PTPRD: variants seen among roughly 807,000 people sequenced by gnomAD.
PTPRD encodes receptor-type tyrosine-protein phosphatase delta.
Under a neutral mutation model 214.5 loss-of-function variants are expected in PTPRD, and 34 were observed. That is an observed-to-expected ratio of 0.16 (90% CI 0.12 to 0.21). The LOEUF is 0.21. Ranked by LOEUF, PTPRD falls within the 10% of genes least tolerant of loss-of-function variation. The pLI is 1.00. For missense variants in PTPRD, 2,545 were observed against 2,398.7 expected, an observed-to-expected ratio of 1.06 and a Z score of -1.27; for synonymous variants, 1,128 against 845.7, an observed-to-expected ratio of 1.33 and a Z score of -5.79.
Position 9,484,747 on chromosome 9 carries a change from A to G in PTPRD, c.-236-87265T>C, listed in dbSNP as rs563025171. ...CGAGGTCATATAGGTATTACATTGCAGAATGAAGATCAGAACTCAAAGTGT... is the reference window on the plus strand; with the variant it reads ...CGAGGTCATATAGGTATTACATTGCGGAATGAAGATCAGAACTCAAAGTGT... On this transcript the variant is annotated intron_variant, in intron 8 of 45. Transcript: ENST00000381196. 2.6e-5 allele frequency among the ~76,000 whole-genome samples: 4 copies of G among 152,264 alleles called. No individual in the cohort carries two copies. In the South Asian group the frequency reaches 8.3e-4, roughly 32 times the overall value.
chr9:10,013,087 C>A (rs1167406581), intron 4 of PTPRD, among the ~76,000 whole-genome samples: 1 of 151,854 alleles, frequency 6.6e-6, no homozygotes, highest in Non-Finnish European at 1.5e-5. Context: ...ACTTCAATTA[C>A]ACAAATTCAA....
intron 3 of PTPRD, among the ~76,000 whole-genome samples, chr9:10,119,405 A>C (rs2098757212): frequency 1.3e-5 from 2 of 152,026 alleles, no homozygotes; most frequent in South Asian, 4.1e-4. Flanking sequence ...TTTTAAAAGG[A>C]TATCATGCAT....
At chr9:9,676,663 A>C (rs2096936960) in intron 7 of PTPRD, among the ~76,000 whole-genome samples, 1 of 152,102 alleles carries the variant, frequency 6.6e-6, no homozygotes, top group Non-Finnish European at 1.5e-5. Context: ...GGCTGGATCA[A>C]ATGGTATTTC....
At chr9:10,495,809 T>C (rs917060497) in intron 2 of PTPRD, among the ~76,000 whole-genome samples, 1 of 151,774 alleles carries the variant, frequency 6.6e-6, no homozygotes, top group Non-Finnish European at 1.5e-5. Flanking sequence ...TGTAAAAAAT[T>C]ATTACTTAAT....
At chr9:9,135,880 G>C (rs945576163) in intron 10 of PTPRD, among the ~76,000 whole-genome samples, 1 of 148,328 alleles carries the variant, frequency 6.7e-6, no homozygotes, top group African/African-American at 2.5e-5. Flanking sequence ...TTCTTCAAAA[G>C]TTGAGCAGGC....
intron 7 of PTPRD, among the ~76,000 whole-genome samples, chr9:9,692,865 G>A (rs1009434173): frequency 4.0e-4 from 60 of 151,368 alleles, no homozygotes; most frequent in Non-Finnish European, 2.9e-5. Flanking sequence ...TAATTCCTAG[G>A]TATTTAATTT....
At chr9:10,156,120 G>GTGTGTA (rs1268504310) in intron 3 of PTPRD, among the ~76,000 whole-genome samples, 1 of 139,796 alleles carries the variant, frequency 7.2e-6, no homozygotes, top group African/African-American at 2.8e-5. Context: ...GTGTGTGTGT[G>GTGTGTA]TGTGCCTGTC....
At chr9:9,651,840 T>G (rs1444989127) in intron 7 of PTPRD, among the ~76,000 whole-genome samples, 23 of 135,050 alleles carry the variant, frequency 1.7e-4, no homozygotes, top group Non-Finnish European at 2.7e-4. Flanking sequence ...TTTTTTTTTT[T>G]TTTTTTTTTT....
intron 12 of PTPRD, among the ~76,000 whole-genome samples, chr9:8,652,101 C>A (rs955791224): frequency 4.6e-5 from 7 of 152,122 alleles, no homozygotes; most frequent in Admixed American, 3.9e-4. Flanking sequence ...TTCCCCTGTC[C>A]TCTAATTTAC....
intron 8 of PTPRD, among the ~76,000 whole-genome samples, chr9:9,492,714 TCA>T (rs1475840732): frequency 6.6e-6 from 1 of 151,634 alleles, no homozygotes; most frequent in African/African-American, 2.4e-5. Flanking sequence ...TTATTGCACT[TCA>T]CAGATTTTTT....
intron 12 of PTPRD, among the ~76,000 whole-genome samples, chr9:8,675,220 T>A (rs559114243): frequency 2.6e-5 from 4 of 152,202 alleles, no homozygotes; most frequent in Admixed American, 6.5e-5. Context: ...CCCCTATGTG[T>A]CTTTGAGGAT....
At chr9:10,301,455 T>G (rs1310606391) in intron 3 of PTPRD, among the ~76,000 whole-genome samples, 1 of 152,074 alleles carries the variant, frequency 6.6e-6, no homozygotes, top group Non-Finnish European at 1.5e-5. Context: ...AGAAGGTGGG[T>G]AATAACAAAC....
intron 12 of PTPRD, chr9:8,713,558 G>T (rs772932764): frequency 1.4e-4 from 193 of 1,385,880 alleles, no homozygotes; most frequent in Non-Finnish European, 1.9e-4. Flanking sequence ...ATCTGGCTGC[G>T]CTGTGACTCC....
intron 2 of PTPRD, among the ~76,000 whole-genome samples, chr9:10,420,838 CTTTT>C (rs541224726): frequency 1.3e-5 from 2 of 150,970 alleles, no homozygotes; most frequent in Non-Finnish European, 3.0e-5. Flanking sequence ...TAGGTACCTT[CTTTT>C]TTTTTATTCT....
At chr9:9,791,166 CATT>C (rs1466034850) in intron 5 of PTPRD, among the ~76,000 whole-genome samples, 6 of 151,970 alleles carry the variant, frequency 3.9e-5, no homozygotes, top group African/African-American at 1.5e-4. Flanking sequence ...ATATAGCCAT[CATT>C]AAGGGGATTC....
chr9:10,556,221 C>T (rs75737520), intron 2 of PTPRD, among the ~76,000 whole-genome samples: 4,273 of 151,786 alleles, frequency 0.028, 107 homozygotes, highest in East Asian at 0.085. Flanking sequence ...AGAGAAATTA[C>T]TAAGTAGATC....
chr9:8,625,065 C>A (rs1200775133), intron 14 of PTPRD, among the ~76,000 whole-genome samples: 2 of 151,526 alleles, frequency 1.3e-5, no homozygotes, highest in African/African-American at 2.4e-5. Flanking sequence ...ATTTCTAGGC[C>A]ATAGAAAACT....
At chr9:8,597,810 T>G (rs954016123) in intron 14 of PTPRD, among the ~76,000 whole-genome samples, 1 of 152,144 alleles carries the variant, frequency 6.6e-6, no homozygotes, top group African/African-American at 2.4e-5. Flanking sequence ...AATACTCAGA[T>G]TTGTTTTTTC....
At chr9:8,841,712 T>TA (rs5896263) in intron 11 of PTPRD, among the ~76,000 whole-genome samples, 94,162 of 150,758 alleles carry the variant, frequency 0.62, 30,426 homozygotes, top group African/African-American at 0.81. Context: ...AGAAGTGACT[T>TA]AAAAAAAAAA....
Sources: allele counts gnomAD v4.1 joint callset (sites outside exome capture counted in the v4.1 genomes callset), GRCh38; gene constraint gnomAD v4.1.1; transcripts MANE v1.5; gene names NCBI Gene and HGNC (gene_info 2026-07-23, HGNC 2026-07-21).